The following GALK2 variants were observed in gnomAD, a reference collection of about 807,000 sequenced individuals.
The protein encoded by GALK2 is galactokinase 2.
GALK2 carries 36 observed loss-of-function variants against 52.4 expected under a neutral mutation model. The ratio of observed to expected loss-of-function variants is 0.69; its 90% CI spans 0.53 to 0.91. GALK2 has a LOEUF of 0.91. Ranked by LOEUF, GALK2 falls within the 40% of genes least tolerant of loss-of-function variation. The pLI, the probability that GALK2 is intolerant of heterozygous loss-of-function variation, is 0.00. For synonymous variants in GALK2, 176 were observed against 199.1 expected, an observed-to-expected ratio of 0.88 and a Z score of 0.98; for missense variants, 579 against 559.1, an observed-to-expected ratio of 1.04 and a Z score of -0.36.
intron 8 of GALK2, among the ~76,000 whole-genome samples, chr15:49,305,840 C>G (rs1046931929): frequency 5.9e-5 from 9 of 152,172 alleles, no homozygotes; most frequent in African/African-American, 1.7e-4. Context: ...CAAACAAACA[C>G]ACCTGTGTGC....
chr15:49,332,087 CCACA>C (rs377139081), downstream of GALK2, among the ~76,000 whole-genome samples: 5,972 of 127,764 alleles, frequency 0.047, 347 homozygotes, highest in African/African-American at 0.12. Context: ...TGCACACGTG[CCACA>C]CACACACACA....
intron 1 of GALK2, among the ~76,000 whole-genome samples, chr15:49,199,636 C>T (rs2087557409): frequency 6.7e-6 from 1 of 149,088 alleles, no homozygotes; most frequent in Admixed American, 6.7e-5. Context: ...AGGACCTAAA[C>T]TCTGCCAAGC....
At chr15:49,311,665 C>T (rs2036000599) in intron 8 of GALK2, among the ~76,000 whole-genome samples, 1 of 152,172 alleles carries the variant, frequency 6.6e-6, no homozygotes, top group African/African-American at 2.4e-5. Context: ...TGTGCTATAT[C>T]CTCTTGGATA....
intron 3 of GALK2, among the ~76,000 whole-genome samples, chr15:49,340,403 G>GCCCCCCCCCCCC (rs373386438): frequency 1.1e-5 from 1 of 94,380 alleles, no homozygotes; most frequent in Non-Finnish European, 2.2e-5. Flanking sequence ...GCAGTGCCCC[G>GCCCCCCCCCCCC]CCCCCCCCCT....
chr15:49,337,420 G>C (rs181541046), intron 3 of GALK2, among the ~76,000 whole-genome samples: 2 of 146,718 alleles, frequency 1.4e-5, no homozygotes, highest in African/African-American at 5.1e-5. Flanking sequence ...TGTGGTTTTC[G>C]TTTGCATTTC....
chr15:49,294,490 T>C (rs78747257), intron 8 of GALK2, among the ~76,000 whole-genome samples: 9,171 of 152,232 alleles, frequency 0.06, 550 homozygotes, highest in African/African-American at 0.15. Flanking sequence ...ATAGGTAATG[T>C]GGGAGGTAAT....
chr15:49,328,310 G>GCTCT lies in GALK2; in HGVS notation c.*154_*157dup. ...TATATTTTCAAAGAAATGGTTGAAA[G>GCTCT]CTCTCTATGCTTCATAATGATTCTT... On this transcript the variant is annotated 3_prime_UTR_variant, in exon 10 of 10. Coordinates refer to ENST00000560031, the MANE Select transcript of GALK2 (RefSeq NM_002044.4). The GCTCT allele has an allele frequency of 2.8e-6, 4 of 1,433,384 alleles. No homozygotes were observed. The East Asian group carries it at 7.5e-5, about 27-fold the overall frequency. 88.8% of individuals were successfully genotyped at this position (1,433,384 alleles called of 1,614,324 possible).
intron 2 of GALK2, among the ~76,000 whole-genome samples, chr15:49,216,391 A>G (rs1946303379): frequency 6.6e-6 from 1 of 152,154 alleles, no homozygotes; most frequent in African/African-American, 2.4e-5. Context: ...CTGGTACCCA[A>G]ATTGCAAGAC....
At chr15:49,260,996 A>G (rs2092078335) in intron 5 of GALK2, among the ~76,000 whole-genome samples, 1 of 151,910 alleles carries the variant, frequency 6.6e-6, no homozygotes, top group African/African-American at 2.4e-5. Context: ...GAAGTCAGGT[A>G]GTGTGATGCC....
At chr15:49,173,640 C>G (rs921706767) in intron 1 of GALK2, among the ~76,000 whole-genome samples, 10 of 152,072 alleles carry the variant, frequency 6.6e-5, no homozygotes, top group African/African-American at 2.4e-4. Flanking sequence ...GATATATTCA[C>G]ATAAGTCCAA....
intron 1 of GALK2, among the ~76,000 whole-genome samples, chr15:49,158,174 T>C (rs1466036531): frequency 6.6e-6 from 1 of 152,096 alleles, no homozygotes; most frequent in Non-Finnish European, 1.5e-5. Flanking sequence ...ATTGTGGGTA[T>C]ATTGGGGTTA....
downstream of GALK2, chr15:49,331,951 C>T (rs545930853): frequency 7.4e-5 from 54 of 728,166 alleles, no homozygotes; most frequent in African/African-American, 7.7e-4. Context: ...GCTGGGCATT[C>T]GTCAAGCACT....
chr15:49,178,294 CATGTACATATATGTATGCACATATATGT>C (rs139986395), intron 1 of GALK2: 6,410 of 124,966 alleles, frequency 0.051, 210 homozygotes, highest in East Asian at 0.15. Flanking sequence ...ATCATATATA[CATGTACATATATGTATGCACATATATGT>C]ATGTACATAT....
chr15:49,180,600 G>T (rs2085882497), intron 1 of GALK2, among the ~76,000 whole-genome samples: 1 of 152,076 alleles, frequency 6.6e-6, no homozygotes, highest in South Asian at 2.1e-4. Flanking sequence ...CACATCCATT[G>T]CCTGTATGTT....
chr15:49,367,513 C>T, exon 4 of GALK2: 2 of 1,606,422 alleles, frequency 1.2e-6, no homozygotes, highest in Non-Finnish European at 1.7e-6. Flanking sequence ...TACCAGCCAG[C>T]TCATGCATCT....
chr15:49,362,183 T>C (rs2044357630), intron 3 of GALK2, among the ~76,000 whole-genome samples: 1 of 152,134 alleles, frequency 6.6e-6, no homozygotes, highest in Admixed American at 6.5e-5. Flanking sequence ...GTAATCCCCA[T>C]GTGTTGGGGG....
chr15:49,270,408 A>G (rs2030305597), intron 5 of GALK2, among the ~76,000 whole-genome samples: 1 of 151,590 alleles, frequency 6.6e-6, no homozygotes, highest in Non-Finnish European at 1.5e-5. Context: ...AAATTCTGAA[A>G]TGCATTTCTC....
chr15:49,204,044 G>A (rs542606998), intron 2 of GALK2, among the ~76,000 whole-genome samples: 2 of 151,776 alleles, frequency 1.3e-5, no homozygotes, highest in East Asian at 3.9e-4. Flanking sequence ...GAATCTGGGA[G>A]GCGGAGGCTG....
At chr15:49,174,258 A>C (rs1455789021) in intron 1 of GALK2, among the ~76,000 whole-genome samples, 1 of 152,228 alleles carries the variant, frequency 6.6e-6, no homozygotes, top group Non-Finnish European at 1.5e-5. Context: ...GCAGAGCCAA[A>C]GGTAATAAAC....
Sources: allele counts gnomAD v4.1 joint callset (sites outside exome capture counted in the v4.1 genomes callset), GRCh38; gene constraint gnomAD v4.1.1; transcripts MANE v1.5; gene names NCBI Gene and HGNC (gene_info 2026-07-23, HGNC 2026-07-21).